MRTFA: variants seen among roughly 807,000 people sequenced by gnomAD.
The protein encoded by MRTFA is myocardin related transcription factor A.
Under a neutral mutation model 83.5 loss-of-function variants are expected in MRTFA, and 20 were observed. The observed-to-expected ratio is 0.24, with a 90% CI of 0.17 to 0.35. MRTFA has a LOEUF of 0.35. Among genes scored for constraint, MRTFA ranks in the 10% least tolerant of loss-of-function variants. MRTFA has a pLI of 1.00. For synonymous variants in MRTFA, 659 were observed against 541.2 expected, an observed-to-expected ratio of 1.22 and a Z score of -3.02; for missense variants, 1,200 against 1,224.7, an observed-to-expected ratio of 0.98 and a Z score of 0.30.
intron 4 of MRTFA, among the ~76,000 whole-genome samples, chr22:40,449,707 T>G (rs1234691527): frequency 6.6e-6 from 1 of 152,238 alleles, no homozygotes; most frequent in East Asian, 1.9e-4. Flanking sequence ...TTGCTGAATT[T>G]TCTCAATAGC....
chr22:40,563,924 G>C (rs1195781116), intron 2 of MRTFA, among the ~76,000 whole-genome samples: 1 of 152,178 alleles, frequency 6.6e-6, no homozygotes, highest in East Asian at 1.9e-4. Flanking sequence ...TGCGGTTGTG[G>C]GGGGAGGTTA....
intron 9 of MRTFA, among the ~76,000 whole-genome samples, chr22:40,421,452 C>T (rs147401447): frequency 5.0e-4 from 76 of 152,284 alleles, no homozygotes; most frequent in African/African-American, 1.7e-3. Context: ...CTTCCAAAGA[C>T]GGGGCCACAC....
chr22:40,630,485 C>T (rs1476932068), intron 1 of MRTFA, among the ~76,000 whole-genome samples: 1 of 152,124 alleles, frequency 6.6e-6, no homozygotes, highest in African/African-American at 2.4e-5. Flanking sequence ...TCAGAGATTT[C>T]AGACTTCAAC....
At chr22:40,567,873 G>T (rs1056463590) in intron 2 of MRTFA, among the ~76,000 whole-genome samples, 4 of 152,042 alleles carry the variant, frequency 2.6e-5, no homozygotes, top group Non-Finnish European at 5.9e-5. Flanking sequence ...CATATCCTTA[G>T]GTTTCTCAAT....
At chr22:40,491,085 G>A (rs1018544291) in intron 3 of MRTFA, among the ~76,000 whole-genome samples, 1 of 152,200 alleles carries the variant, frequency 6.6e-6, no homozygotes, top group Non-Finnish European at 1.5e-5. Context: ...GCTCACACCT[G>A]TAATCCCAGC....
rs779945490 is a variant in MRTFA, at chr22:40,419,003, T to A, written c.1735A>T (p.Met579Leu). 4.7e-5 allele frequency: 76 copies of A among 1,612,628 alleles called. No individual in the cohort carries two copies. In the East Asian group the frequency reaches 1.7e-3, roughly 35 times the overall value. Residue 579 changes from methionine to leucine, a missense_variant, in exon 12 of 15, where the codon ATG (methionine) becomes TTG (leucine). Around this residue, in one of 2 missense-constraint regions of MRTFA, gnomAD observed 1,107 missense variants for 1,041.8 expected, o/e 1.06. Coordinates refer to ENST00000355630, the MANE Select transcript of MRTFA (RefSeq NM_020831.6). ...AGCTGCGTCAGAGGTGATGTCACCATCTCACCAAAGGTGTCCCCGGGGGTG... is the reference window on the plus strand; with the variant it reads ...AGCTGCGTCAGAGGTGATGTCACCAACTCACCAAAGGTGTCCCCGGGGGTG...
At chr22:40,621,059 T>G (rs2147434025) in intron 1 of MRTFA, among the ~76,000 whole-genome samples, 1 of 152,024 alleles carries the variant, frequency 6.6e-6, no homozygotes, top group Non-Finnish European at 1.5e-5. Context: ...TGCATGCCTG[T>G]AGCCCCAGCT....
intron 5 of MRTFA, chr22:40,433,486 G>A (rs1466482363): frequency 1.3e-5 from 2 of 152,512 alleles, no homozygotes; most frequent in African/African-American, 4.8e-5. Context: ...ACAAAAAAAG[G>A]AAAACAAAGC....
chr22:40,505,070 TG>T (rs2054559146), intron 3 of MRTFA, among the ~76,000 whole-genome samples: 1 of 152,226 alleles, frequency 6.6e-6, no homozygotes, highest in African/African-American at 2.4e-5. Context: ...CTCTATGCAA[TG>T]GATACTCAAT....
At position 40,411,877 on chromosome 22, in the gene MRTFA, G is replaced by C. The variant is rs1482536547; in HGVS notation, c.2609C>G (p.Ser870Cys). 1.3e-6 allele frequency: 2 copies of C among 1,484,260 alleles called. No individual in the cohort carries two copies. Among genetic ancestry groups the C allele is most frequent in the Non-Finnish European group, 1.8e-6 (2 of 1,115,854 alleles). The allele number at this position is 1,484,260 out of a possible 1,614,324, so 91.9% of individuals were successfully genotyped here. Residue 870 changes from serine (S) to cysteine (C), a missense_variant, in exon 15 of 15, where the codon TCC becomes TGC. Coordinates refer to ENST00000355630, the MANE Select transcript of MRTFA (RefSeq NM_020831.6). ...GGATGGCTTCTCCTTCCCTGGCAGG[G>C]ATGGCGGCTCCTTGAAATCTGCTGA... is the stretch of plus-strand genomic sequence containing the variant.
At chr22:40,579,353 T>G (rs1187014018) in intron 2 of MRTFA, among the ~76,000 whole-genome samples, 2 of 152,212 alleles carry the variant, frequency 1.3e-5, no homozygotes, top group Non-Finnish European at 2.9e-5. Context: ...TACTTCCATC[T>G]AGTAATTTAC....
At chr22:40,417,551 C>T (rs1189112839) in intron 12 of MRTFA, 58 bp from the exon 13 acceptor site, 6 of 580,944 alleles carry the variant, frequency 1.0e-5, no homozygotes, top group South Asian at 4.6e-5. Context: ...GCAGACCTGC[C>T]TTGTAGGGGG....
rs1001636025 is a variant in MRTFA at position 40,411,750 on chromosome 22, T to A, written c.2736A>T (p.Gly912=). The A allele has an allele frequency of 2.6e-6, 4 of 1,545,688 alleles. No homozygotes were observed. Among genetic ancestry groups the A allele is most frequent in the Non-Finnish European group, 2.6e-6 (3 of 1,139,608 alleles). ...TGCTCTCCAGGAAGTCCTCCAGGCG[T>A]CCAGGGAGGGAGGGTGAGCCTGGAG... Residue 912 remains glycine, a synonymous_variant, in exon 15 of 15, where the codon GGA becomes GGT. Coordinates refer to ENST00000355630, the MANE Select transcript of MRTFA (RefSeq NM_020831.6).
intron 4 of MRTFA, among the ~76,000 whole-genome samples, chr22:40,453,919 G>A (rs1383995758): frequency 6.6e-6 from 1 of 152,072 alleles, no homozygotes; most frequent in Non-Finnish European, 1.5e-5. Context: ...AGAGAAAGAG[G>A]TTAAAAAGAA....
chr22:40,534,562 C>T (rs2055135396), intron 3 of MRTFA, among the ~76,000 whole-genome samples: 1 of 152,212 alleles, frequency 6.6e-6, no homozygotes, highest in Admixed American at 6.5e-5. Context: ...TCAAGTGCTC[C>T]TCCCACCTCA....
At chr22:40,589,598 G>A (rs1035742479) in intron 2 of MRTFA, among the ~76,000 whole-genome samples, 1 of 152,108 alleles carries the variant, frequency 6.6e-6, no homozygotes, top group Admixed American at 6.5e-5. Context: ...TGTTAATAAT[G>A]TCTACTACAT....
chr22:40,589,230 A>G lies in MRTFA; in HGVS notation c.-22+5444T>C, dbSNP rs1011864058. 3.0e-4 allele frequency among the ~76,000 whole-genome samples: 45 copies of G among 152,304 alleles called. 1 individual carries two copies. The highest frequency in any genetic ancestry group is 2.0e-3 in the Admixed American group (31 of 15,306). On this transcript the variant is annotated intron_variant, in intron 2 of 14. Coordinates refer to ENST00000355630, the MANE Select transcript of MRTFA (RefSeq NM_020831.6). ...ATGATTATTTCCTTGAGCAACATCT[A>G]TGAGCTACATTTATATGTTTATGTA...
rs1163216423 is a variant in MRTFA, at chr22:40,418,680, C to T, written c.2058G>A (p.Leu686=). Residue 686 remains leucine (L), a synonymous_variant, in exon 12 of 15, where the codon CTG becomes CTA. Transcript: ENST00000355630. ...GAGCGGGGCCCAGGGGCTGCTGGCT[C>T]AGCTGGCAGCTGGAGAAGCTGTTCT... The T allele has an allele frequency of 1.5e-5, 22 of 1,494,426 alleles. No individual in the cohort carries two copies. Among genetic ancestry groups the T allele is most frequent in the Non-Finnish European group, 1.9e-5 (22 of 1,134,770 alleles). The allele number at this position is 1,494,426 out of a possible 1,614,324, so 92.6% of individuals were successfully genotyped here.
intron 4 of MRTFA, among the ~76,000 whole-genome samples, chr22:40,448,087 G>A (rs535581771): frequency 2.4e-4 from 36 of 152,248 alleles, no homozygotes; most frequent in African/African-American, 7.9e-4. Flanking sequence ...CGAGGTGGGC[G>A]GATCACGAGG....
Sources: gnomAD v4.1 joint callset for allele counts (sites outside exome capture counted in the v4.1 genomes callset) on GRCh38, gnomAD v4.1.1 for gene constraint, gnomAD v4.1.1 regional missense constraint, MANE v1.5 for transcripts, NCBI Gene and HGNC (gene_info 2026-07-23, HGNC 2026-07-21) for gene names.